Variants in KCNU1 observed in about 807,000 individuals in gnomAD.
The protein encoded by KCNU1 is potassium calcium-activated channel subfamily U member 1.
Under a neutral mutation model 126.8 loss-of-function variants are expected in KCNU1, and 93 were observed. That is an observed-to-expected ratio of 0.73 (90% CI 0.62 to 0.87). The LOEUF (loss-of-function observed/expected upper bound fraction) is 0.87, where lower values mean the gene tolerates loss of function less well. Ranked by LOEUF, KCNU1 falls within the 40% of genes least tolerant of loss-of-function variation. The pLI is 0.00. For missense variants in KCNU1, 1,330 were observed against 1,367.1 expected (o/e 0.97, Z 0.43); for synonymous variants, 523 against 494.2 (o/e 1.06, Z -0.77).
At chr8:36,802,108 CAAAAAAAAAAA>C (rs749026223) in intron 2 of KCNU1, among the ~76,000 whole-genome samples, 3 of 72,358 alleles carry the variant, frequency 4.1e-5, no homozygotes, top group Non-Finnish European at 5.5e-5. Context: ...AACTCCGTCT[CAAAAAAAAAAA>C]AAAAAAAAAA....
intron 22 of KCNU1, among the ~76,000 whole-genome samples, chr8:36,915,822 C>T (rs1808077478): frequency 6.6e-6 from 1 of 152,110 alleles, no homozygotes; most frequent in Non-Finnish European, 1.5e-5. Context: ...TTCTCAAACT[C>T]ATCAATATCT....
intron 2 of KCNU1, among the ~76,000 whole-genome samples, chr8:36,792,168 C>T (rs1802926697): frequency 6.6e-6 from 1 of 152,150 alleles, no homozygotes; most frequent in South Asian, 2.1e-4. Flanking sequence ...TTCCTTACCC[C>T]TATCCCCAGA....
intron 24 of KCNU1, among the ~76,000 whole-genome samples, chr8:36,925,760 A>G (rs1438591538): frequency 2.6e-5 from 4 of 152,122 alleles, no homozygotes; most frequent in African/African-American, 9.7e-5. Context: ...AACATTTACC[A>G]CCTTCCAATA....
Position 36,935,589 on chromosome 8 carries a change from G to T in KCNU1, c.3119G>T (p.Ser1040Ile). 1.9e-6 allele frequency: 3 copies of T among 1,613,202 alleles called. No individual in the cohort carries two copies. Among genetic ancestry groups the T allele is most frequent in the Non-Finnish European group, 2.5e-6 (3 of 1,179,398 alleles). Residue 1040 changes from serine to isoleucine, a missense_variant, in exon 27 of 27, where the codon AGC becomes ATC. Physicochemically the swap from Ser to Ile is moderately radical, Grantham distance 142 (BLOSUM62 -2). Around this residue, in one of 3 missense-constraint regions of KCNU1, gnomAD observed 1,054 missense variants for 1,053.9 expected, o/e 1.00. Coordinates refer to ENST00000399881, the MANE Select transcript of KCNU1 (RefSeq NM_001031836.3). ...CTTGTGTTTTGTGCCATACCCTTCAGCACTGCTTGTTATAAAAGGAATGAA... is the reference window on the plus strand; with the variant it reads ...CTTGTGTTTTGTGCCATACCCTTCATCACTGCTTGTTATAAAAGGAATGAA... ...SDLVFCAIPF[S>I]TACYKRNEEF...
chr8:36,898,419 C>A (rs1314797264), intron 19 of KCNU1, among the ~76,000 whole-genome samples: 6 of 151,898 alleles, frequency 4.0e-5, no homozygotes, highest in African/African-American at 1.2e-4. Context: ...AGCCTCCCAA[C>A]CCACTGCATA....
At chr8:36,808,898 C>T in intron 7 of KCNU1, 105 bp downstream of exon 7, 1 of 729,628 alleles carries the variant, frequency 1.4e-6, no homozygotes, top group Non-Finnish European at 2.3e-6. Flanking sequence ...CACTGTAAGC[C>T]AGTTGGAGGT....
intron 6 of KCNU1, 68 bp from the exon 7 acceptor site, chr8:36,808,650 G>A (rs13251177): frequency 1.1e-6 from 1 of 931,754 alleles, no homozygotes; most frequent in Non-Finnish European, 1.7e-6. Flanking sequence ...CAACATCTTA[G>A]AGGATGAGGT....
At chr8:36,845,417 A>C (rs551605861) in intron 16 of KCNU1, among the ~76,000 whole-genome samples, 163 bp from the exon 17 acceptor site, 1 of 152,318 alleles carries the variant, frequency 6.6e-6, no homozygotes, top group East Asian at 1.9e-4. Context: ...AAAGAATTAC[A>C]AATGTCAAAT....
At chr8:36,861,238 C>G (rs1805719596) in intron 18 of KCNU1, among the ~76,000 whole-genome samples, 1 of 152,202 alleles carries the variant, frequency 6.6e-6, no homozygotes, top group African/African-American at 2.4e-5. Context: ...AGACCCTGCA[C>G]AGATATATTG....
intron 10 of KCNU1, among the ~76,000 whole-genome samples, chr8:36,828,972 A>G (rs1270056277): frequency 6.6e-6 from 1 of 152,140 alleles, no homozygotes; most frequent in Non-Finnish European, 1.5e-5. Context: ...TCAATGTCAA[A>G]TGGAACCTTC....
At chr8:36,840,860 G>A in intron 15 of KCNU1, 72 bp from the exon 16 acceptor site, 1 of 1,040,754 alleles carries the variant, frequency 9.6e-7, no homozygotes, top group South Asian at 1.3e-5. Context: ...TAGGCACAGA[G>A]CACAGAGTGT....
Position 36,808,654 on chromosome 8 carries a change from A to T in KCNU1, c.657-64A>T, listed in dbSNP as rs1455543000. 5.2e-6 allele frequency: 5 copies of T among 955,858 alleles called. No individual in the cohort carries two copies. In the Admixed American group the frequency reaches 7.9e-5, roughly 15 times the overall value. The allele number at this position is 955,858 out of a possible 1,614,324, so 59.2% of individuals were successfully genotyped here. ...ACTTTGTGTAGCAACATCTTAGAGGATGAGGTGTTTGTGTTGTTCTGGAAT... is the reference window on the plus strand; with the variant it reads ...ACTTTGTGTAGCAACATCTTAGAGGTTGAGGTGTTTGTGTTGTTCTGGAAT... On this transcript the variant is annotated intron_variant, in intron 6 of 26. Transcript: ENST00000399881.
chr8:36,846,524 T>A (rs6468382), intron 18 of KCNU1, among the ~76,000 whole-genome samples: 1 of 152,150 alleles, frequency 6.6e-6, no homozygotes, highest in Non-Finnish European at 1.5e-5. Flanking sequence ...TTAGCCTCAG[T>A]CGGGCACGGT....
At chr8:36,864,274 C>G (rs1805824042) in intron 18 of KCNU1, 130 bp from the exon 19 acceptor site, 1 of 658,472 alleles carries the variant, frequency 1.5e-6, no homozygotes, top group Admixed American at 2.4e-5. Flanking sequence ...CCTCTTAGAA[C>G]TAGGCTGTAG....
chr8:36,921,665 A>C (rs1483370084), intron 23 of KCNU1, among the ~76,000 whole-genome samples: 1 of 151,044 alleles, frequency 6.6e-6, no homozygotes, highest in African/African-American at 2.4e-5. Flanking sequence ...TGAGGAAAAA[A>C]AAAAAAAAAA....
At chr8:36,830,568 C>A (rs557411499) in intron 10 of KCNU1, among the ~76,000 whole-genome samples, 29 of 151,900 alleles carry the variant, frequency 1.9e-4, no homozygotes, top group African/African-American at 6.5e-4. Flanking sequence ...TTTTTAATGT[C>A]TTTAAAAGGC....
Position 36,812,378 on chromosome 8 carries a change from CAA to C in KCNU1, c.733-1811_733-1810del, listed in dbSNP as rs765551359. On this transcript the variant is annotated intron_variant, in intron 7 of 26. Transcript: ENST00000399881. ...CTGAGTGACAGAGCAAGACTCCTCT[CAA>C]AAAAAAAAAAAAAAAAAGTAGTGGT... Among the ~76,000 whole-genome samples, 382 of 83,526 alleles carry C rather than the reference CAA, an allele frequency of 4.6e-3. 3 individuals are homozygous for C. The highest frequency in any genetic ancestry group is 0.012 in the African/African-American group (289 of 24,824). 54.8% of individuals were successfully genotyped at this position (83,526 alleles called of 152,430 possible).
At position 36,845,865 on chromosome 8, in the gene KCNU1, T is replaced by C; in HGVS notation, c.1857T>C (p.Cys619=). The C allele has an allele frequency of 1.2e-6, 2 of 1,606,418 alleles. No homozygotes were observed. The highest frequency in any genetic ancestry group is 1.7e-6 in the Non-Finnish European group (2 of 1,175,930). ...DVFIPELITN[C]GCKSRSRQHI... is the part of the protein sequence containing the mutation. ...TCATTCCTGAGCTAATTACAAACTGTGGCTGCAAAAGCAGAAGCCGGCAGC... is the reference window on the plus strand; with the variant it reads ...TCATTCCTGAGCTAATTACAAACTGCGGCTGCAAAAGCAGAAGCCGGCAGC... Residue 619 remains cysteine, a synonymous_variant, in exon 18 of 27, where the codon TGT becomes TGC. Coordinates refer to ENST00000399881, the MANE Select transcript of KCNU1 (RefSeq NM_001031836.3).
rs1808848119 is a variant in KCNU1 at position 36,936,027 on chromosome 8, C to A, written c.*107C>A. The stretch of plus-strand genomic sequence containing the variant: ...AGAATGGAAGCATGCCATTTTTCTG[C>A]CCATTGCTTAGTGGTTCATGAAGGC... On this transcript the variant is annotated 3_prime_UTR_variant, in exon 27 of 27. Coordinates refer to ENST00000399881, the MANE Select transcript of KCNU1 (RefSeq NM_001031836.3). 5.7e-6 allele frequency: 6 copies of A among 1,054,856 alleles called. No individual in the cohort carries two copies. The South Asian group carries it at 8.9e-5, about 16-fold the overall frequency. 65.3% of individuals were successfully genotyped at this position (1,054,856 alleles called of 1,614,324 possible).
Sources: gnomAD v4.1 joint callset for allele counts (sites outside exome capture counted in the v4.1 genomes callset) on GRCh38, gnomAD v4.1.1 for gene constraint, gnomAD v4.1.1 regional missense constraint, MANE v1.5 for transcripts, NCBI Gene and HGNC (gene_info 2026-07-23, HGNC 2026-07-21) for gene names.